Variants in EXOC6B observed in about 807,000 individuals in gnomAD.
EXOC6B encodes the protein exocyst complex component 6B, also known as SEC15 homolog B.
A neutral mutation model predicts 113.5 loss-of-function variants in EXOC6B; 54 were observed. That is an observed-to-expected ratio of 0.48 (90% CI 0.38 to 0.60). EXOC6B has a LOEUF of 0.60. Among genes scored for constraint, EXOC6B ranks in the 20% least tolerant of loss-of-function variants. The pLI, the probability that EXOC6B is intolerant of heterozygous loss-of-function variation, is 0.00. For synonymous variants in EXOC6B, 357 were observed against 339.0 expected, an observed-to-expected ratio of 1.05 and a Z score of -0.58; for missense variants, 797 against 977.5, an observed-to-expected ratio of 0.82 and a Z score of 2.46.
At chr2:72,397,026 A>G (rs1179106854) in intron 18 of EXOC6B, among the ~76,000 whole-genome samples, 4 of 152,136 alleles carry the variant, frequency 2.6e-5, no homozygotes, top group East Asian at 3.9e-4. Flanking sequence ...CTCATTATCT[A>G]TGTTCTCCCT....
At chr2:72,688,321 G>C (rs1677233529) in intron 6 of EXOC6B, among the ~76,000 whole-genome samples, 1 of 152,148 alleles carries the variant, frequency 6.6e-6, no homozygotes, top group African/African-American at 2.4e-5. Flanking sequence ...AGGATAAGTA[G>C]AGACATGAGG....
chr2:72,252,243 A>AAC (rs1683068381), intron 20 of EXOC6B, among the ~76,000 whole-genome samples: 1 of 152,188 alleles, frequency 6.6e-6, no homozygotes, highest in African/African-American at 2.4e-5. Flanking sequence ...CATTTATATA[A>AAC]ACAGGGGTAA....
chr2:72,293,085 T>A (rs572670641), intron 20 of EXOC6B, among the ~76,000 whole-genome samples: 8 of 152,296 alleles, frequency 5.3e-5, no homozygotes, highest in East Asian at 1.9e-4. Context: ...TTTGTAAACA[T>A]ATTTAATTTT....
chr2:72,671,755 GAAAGAAAGAAAGAAAGAA>G (rs1558902640), intron 6 of EXOC6B, among the ~76,000 whole-genome samples: 375 of 14,732 alleles, frequency 0.025, 6 homozygotes, highest in African/African-American at 0.041. Flanking sequence ...GACAGAGAAA[GAAAGAAAGAAAGAAAGAA>G]AGAAAGAAAG....
intron 17 of EXOC6B, among the ~76,000 whole-genome samples, chr2:72,475,123 C>T (rs1476692408): frequency 1.3e-5 from 2 of 152,058 alleles, no homozygotes; most frequent in African/African-American, 4.8e-5. Context: ...GTCTTTGAGC[C>T]CCAGTGGTGG....
intron 20 of EXOC6B, among the ~76,000 whole-genome samples, chr2:72,279,452 A>T (rs148184472): frequency 4.3e-4 from 65 of 152,236 alleles, no homozygotes; most frequent in Non-Finnish European, 8.5e-4. Flanking sequence ...ATAAGGGCCC[A>T]AATATTAAAG....
At chr2:72,709,414 T>C (rs1031229491) in intron 6 of EXOC6B, among the ~76,000 whole-genome samples, 1 of 152,166 alleles carries the variant, frequency 6.6e-6, no homozygotes, top group Admixed American at 6.6e-5. Flanking sequence ...CAGGGATTGT[T>C]GGAGGGCTCT....
At chr2:72,744,452 A>G (rs1419775298) in intron 1 of EXOC6B, among the ~76,000 whole-genome samples, 2 of 152,224 alleles carry the variant, frequency 1.3e-5, no homozygotes, top group African/African-American at 2.4e-5. Context: ...TTTGGAATAC[A>G]TAAGAGAATC....
At chr2:72,488,364 A>T (rs1472951978) in intron 16 of EXOC6B, among the ~76,000 whole-genome samples, 1 of 151,994 alleles carries the variant, frequency 6.6e-6, no homozygotes, top group Admixed American at 6.6e-5. Context: ...TCCCTCAGTG[A>T]TAGTATCCAG....
chr2:72,699,821 C>T (rs1003336622), intron 6 of EXOC6B, among the ~76,000 whole-genome samples: 2 of 152,142 alleles, frequency 1.3e-5, no homozygotes, highest in Non-Finnish European at 1.5e-5. Flanking sequence ...AGGCTAAGAC[C>T]ACCATGGTTC....
At chr2:72,437,238 G>T (rs893174543) in intron 18 of EXOC6B, among the ~76,000 whole-genome samples, 4 of 152,218 alleles carry the variant, frequency 2.6e-5, no homozygotes, top group African/African-American at 9.6e-5. Flanking sequence ...CTGCAGAACA[G>T]CAAAGACTGC....
chr2:72,365,915 T>C (rs1222489036), intron 19 of EXOC6B, among the ~76,000 whole-genome samples: 1 of 152,126 alleles, frequency 6.6e-6, no homozygotes, highest in Non-Finnish European at 1.5e-5. Context: ...AAAGCTGCTA[T>C]GGACCCACTA....
In EXOC6B at chr2:72,372,256, A is replaced by C. The variant is rs558936020; in HGVS notation, c.2122+7473T>G. 2.2e-4 allele frequency among the ~76,000 whole-genome samples: 33 copies of C among 152,326 alleles called. No homozygotes were observed. The East Asian group carries it at 6.4e-3, about 29-fold the overall frequency. On this transcript the variant is annotated intron_variant, in intron 19 of 21. Transcript: ENST00000272427. Reference sequence around the variant, plus strand: ...ATGCCCATATTACCCAAAGCAATCTATAGGTTCAATGCAATTCCCATCAAA... The same window carrying C: ...ATGCCCATATTACCCAAAGCAATCTCTAGGTTCAATGCAATTCCCATCAAA...
intron 1 of EXOC6B, among the ~76,000 whole-genome samples, chr2:72,778,724 C>T (rs1315641900): frequency 6.6e-6 from 1 of 152,078 alleles, no homozygotes; most frequent in African/African-American, 2.4e-5. Context: ...TAGTCATCTC[C>T]CATTCTTTCT....
rs138394722 is a variant in EXOC6B at position 72,768,823 on chromosome 2, C to T, written c.114-27354G>A. 4.5e-4 allele frequency among the ~76,000 whole-genome samples: 68 copies of T among 152,218 alleles called. No individual in the cohort carries two copies. The East Asian group carries it at 0.013, about 29-fold the overall frequency. Reference sequence around the variant, plus strand: ...CAAAGCATGATGAATGTAAAGAAAACTATACTTGGCCAGCCGTGGTAGTTC... The same window carrying T: ...CAAAGCATGATGAATGTAAAGAAAATTATACTTGGCCAGCCGTGGTAGTTC... On this transcript the variant is annotated intron_variant, in intron 1 of 21. Transcript: ENST00000272427.
At chr2:72,576,310 T>A (rs11126376) in intron 6 of EXOC6B, among the ~76,000 whole-genome samples, 93,079 of 151,800 alleles carry the variant, frequency 0.61, 34,786 homozygotes, top group East Asian at 0.99. Flanking sequence ...TTTTTTCTTC[T>A]GAACCCTAGA....
intron 6 of EXOC6B, among the ~76,000 whole-genome samples, chr2:72,666,885 T>C (rs1426175745): frequency 6.6e-6 from 1 of 151,548 alleles, no homozygotes; most frequent in African/African-American, 2.4e-5. Flanking sequence ...TTTTTCTCAG[T>C]GGAGTCTCAC....
At chr2:72,377,182 T>C (rs1572994083) in intron 19 of EXOC6B, among the ~76,000 whole-genome samples, 1 of 151,830 alleles carries the variant, frequency 6.6e-6, no homozygotes, top group South Asian at 2.1e-4. Flanking sequence ...ATAGCTACTA[T>C]CAAAAAGACA....
chr2:72,699,170 T>C lies in EXOC6B; in HGVS notation c.669+18933A>G, dbSNP rs184806091. ...CCAAAGTTAATAGAAGAAACTCTGC[T>C]TGAAGACGTATCAAGAAAGTCAAAC... On this transcript the variant is annotated intron_variant, in intron 6 of 21. Coordinates refer to ENST00000272427, the MANE Select transcript of EXOC6B (RefSeq NM_015189.3). Among the ~76,000 whole-genome samples the C allele has an allele frequency of 5.4e-3, 822 of 152,296 alleles. 20 individuals carry two copies. Among genetic ancestry groups the C allele is most frequent in the Admixed American group, 0.05 (765 of 15,270 alleles).
Sources: allele counts gnomAD v4.1 joint callset (sites outside exome capture counted in the v4.1 genomes callset), GRCh38; gene constraint gnomAD v4.1.1; transcripts MANE v1.5; gene names NCBI Gene and HGNC (gene_info 2026-07-23, HGNC 2026-07-21).